Variants in ADD3 observed in about 807,000 individuals in gnomAD.
ADD3 encodes the protein adducin 3.
A neutral mutation model predicts 80.2 loss-of-function variants in ADD3; 25 were observed. The ratio of observed to expected loss-of-function variants is 0.31; its 90% CI spans 0.23 to 0.44. The LOEUF is 0.44. Among genes scored for constraint, ADD3 ranks in the 20% least tolerant of loss-of-function variants. The probability of loss-of-function intolerance (pLI) is 1.00; values close to 1 mark genes in which losing one functional copy is unlikely to be tolerated. For synonymous variants in ADD3, 284 were observed against 289.6 expected (o/e 0.98, Z 0.20); for missense variants, 829 against 847.5 (o/e 0.98, Z 0.27).
In ADD3 at chr10:110,116,312, T is replaced by C; in HGVS notation, c.388T>C (p.Tyr130His). Residue 130 changes from tyrosine to histidine, a missense_variant, in exon 4 of 15, where the codon TAT (tyrosine) becomes CAT (histidine). Transcript: ENST00000356080. ...CCTTCCTGGTGCAGATACATCCTCA[T>C]ATGTGAAGGGAGAAAAACTTACTCG... is the stretch of plus-strand genomic sequence containing the variant. Reference protein sequence around the residue: ...NDLPGADTSSYVKGEKLTRCK... With the variant: ...NDLPGADTSSHVKGEKLTRCK... The C allele has an allele frequency of 1.2e-6, 2 of 1,614,134 alleles. No individual in the cohort carries two copies. Among genetic ancestry groups the C allele is most frequent in the Non-Finnish European group, 1.7e-6 (2 of 1,179,988 alleles).
intron 1 of ADD3, among the ~76,000 whole-genome samples, chr10:110,088,010 G>A (rs1847017256): frequency 6.6e-6 from 1 of 152,068 alleles, no homozygotes; most frequent in African/African-American, 2.4e-5. Flanking sequence ...TGCTGCATCG[G>A]TTCAATCTCT....
upstream of ADD3, among the ~76,000 whole-genome samples, chr10:110,005,334 A>G (rs1265128349): frequency 2.0e-5 from 3 of 152,218 alleles, no homozygotes; most frequent in Non-Finnish European, 4.4e-5. Flanking sequence ...TGCTGGGATT[A>G]CAGGCGTGAG....
Position 110,125,942 on chromosome 10 carries a change from T to C in ADD3, c.1518T>C (p.Asn506=). Reference sequence around the variant, plus strand: ...CGAATGAGGTACTAGAAAAGAGAAATAAGGTAAGACATGGTCTTCTATAGC... The same window carrying C: ...CGAATGAGGTACTAGAAAAGAGAAACAAGGTAAGACATGGTCTTCTATAGC... ...TNPNEVLEKR[N]KIREQNRYDL... The change falls in exon 11 of 15, where the codon AAT becomes AAC. Residue 506 remains asparagine, a synonymous_variant. Transcript: ENST00000356080. 1 of 1,604,166 alleles carries C rather than the reference T, an allele frequency of 6.2e-7. No homozygotes were observed. Among genetic ancestry groups the C allele is most frequent in the Non-Finnish European group, 8.5e-7 (1 of 1,173,684 alleles).
At chr10:110,091,877 G>A (rs1450916175) in intron 1 of ADD3, among the ~76,000 whole-genome samples, 1 of 152,134 alleles carries the variant, frequency 6.6e-6, no homozygotes, top group Admixed American at 6.6e-5. Flanking sequence ...CAGAGTTTAT[G>A]AGGAACTTAA....
chr10:110,026,385 A>G (rs907536461), intron 1 of ADD3, among the ~76,000 whole-genome samples: 1 of 151,502 alleles, frequency 6.6e-6, no homozygotes, highest in Non-Finnish European at 1.5e-5. Context: ...GGTTCAAGCA[A>G]TTCTCCTGCC....
chr10:110,066,394 G>A (rs1335750967), intron 1 of ADD3, among the ~76,000 whole-genome samples: 1 of 152,092 alleles, frequency 6.6e-6, no homozygotes, highest in Non-Finnish European at 1.5e-5. Flanking sequence ...GTGCCACCAT[G>A]CCTGGCTAGT....
At chr10:110,100,242 C>T (rs966445767) in intron 1 of ADD3, among the ~76,000 whole-genome samples, 5 of 149,162 alleles carry the variant, frequency 3.4e-5, no homozygotes, top group Admixed American at 6.8e-5. Context: ...CCCAACTACT[C>T]GGGAGGCTGA....
At position 110,087,501 on chromosome 10, in the gene ADD3, A is replaced by C. The variant is rs1482635779; in HGVS notation, c.-29-13124A>C. Among the ~76,000 whole-genome samples, 5 of 152,350 alleles carry C rather than the reference A, an allele frequency of 3.3e-5. No homozygotes were observed. In the East Asian group the frequency reaches 9.6e-4, roughly 29 times the overall value. On this transcript the variant is annotated intron_variant, in intron 1 of 14. Coordinates refer to ENST00000356080, the MANE Select transcript of ADD3 (RefSeq NM_016824.5). ...ATTATGAATCTTCAGTTTTACAAAG[A>C]AATTTTTGTTCATCTGATGTGACAA... is the stretch of plus-strand genomic sequence containing the variant.
At chr10:110,125,983 A>G (rs1172299871) in intron 11 of ADD3, 38 bp downstream of exon 11, 1 of 1,564,768 alleles carries the variant, frequency 6.4e-7, no homozygotes, top group Non-Finnish European at 8.7e-7. Flanking sequence ...GAGACATTTT[A>G]ATTGCTTTAT....
Position 110,065,760 on chromosome 10 carries a change from G to C in ADD3, c.-29-34865G>C, listed in dbSNP as rs11592785. On this transcript the variant is annotated intron_variant, in intron 1 of 14. Coordinates refer to ENST00000356080, the MANE Select transcript of ADD3 (RefSeq NM_016824.5). The stretch of plus-strand genomic sequence containing the variant: ...TCACCATTTTGGCCAGGCTGGTCTC[G>C]AACTCCTGACCTTAAATGATCCACC... Among the ~76,000 whole-genome samples the C allele has an allele frequency of 2.0e-5, 3 of 150,152 alleles. No individual in the cohort carries two copies. The South Asian group carries it at 6.3e-4, about 32-fold the overall frequency.
intron 1 of ADD3, among the ~76,000 whole-genome samples, chr10:110,083,174 C>T (rs900630723): frequency 7.9e-5 from 12 of 152,012 alleles, no homozygotes; most frequent in African/African-American, 2.4e-4. Context: ...ACTAAGGTTG[C>T]GGGGAGAGCT....
chr10:110,039,099 A>T (rs1211698734), intron 1 of ADD3, among the ~76,000 whole-genome samples: 1 of 152,102 alleles, frequency 6.6e-6, no homozygotes, highest in African/African-American at 2.4e-5. Flanking sequence ...GTAGTTTTTA[A>T]TTGTAACGAC....
chr10:110,037,984 G>T (rs570913501), intron 1 of ADD3, among the ~76,000 whole-genome samples: 87 of 148,966 alleles, frequency 5.8e-4, no homozygotes, highest in Non-Finnish European at 8.9e-4. Context: ...CAGGAGAATC[G>T]CTTGAACCCG....
chr10:110,040,988 G>A (rs1020637280), intron 1 of ADD3, among the ~76,000 whole-genome samples: 15 of 147,838 alleles, frequency 1.0e-4, no homozygotes, highest in Non-Finnish European at 1.3e-4. Context: ...CTCTCTCTCC[G>A]TGTGTCTGTC....
intron 1 of ADD3, among the ~76,000 whole-genome samples, chr10:110,041,423 A>G (rs530737397): frequency 3.3e-5 from 5 of 152,210 alleles, no homozygotes; most frequent in South Asian, 2.1e-4. Flanking sequence ...ATCCATTTCA[A>G]TCCCGGCCCT....
upstream of ADD3, among the ~76,000 whole-genome samples, chr10:110,003,844 T>A (rs1016588221): frequency 6.6e-6 from 1 of 152,204 alleles, no homozygotes; most frequent in African/African-American, 2.4e-5. Flanking sequence ...AGATCATGAC[T>A]GTGTTAGGAA....
chr10:110,019,464 C>G (rs866567908), intron 1 of ADD3, among the ~76,000 whole-genome samples: 1 of 151,882 alleles, frequency 6.6e-6, no homozygotes, highest in Non-Finnish European at 1.5e-5. Context: ...ACTCCATTCT[C>G]CTGCCTCAGC....
chr10:110,044,887 T>C (rs1008625292), intron 1 of ADD3, among the ~76,000 whole-genome samples: 7 of 152,360 alleles, frequency 4.6e-5, no homozygotes, highest in Middle Eastern at 3.4e-3. Flanking sequence ...GTCCTCAAAA[T>C]AGATTGCTAT....
chr10:110,041,444 A>G lies in ADD3; in HGVS notation c.-30+33145A>G, dbSNP rs569982551. 6.6e-5 allele frequency among the ~76,000 whole-genome samples: 10 copies of G among 152,232 alleles called. No homozygotes were observed. In the South Asian group the frequency reaches 2.1e-3, roughly 32 times the overall value. Reference sequence around the variant, plus strand: ...TTCAATCCCGGCCCTGCTTGAGGTTACATTGAATAAGGTATCAGACCCCTT... The same window carrying G: ...TTCAATCCCGGCCCTGCTTGAGGTTGCATTGAATAAGGTATCAGACCCCTT... On this transcript the variant is annotated intron_variant, in intron 1 of 14. Transcript: ENST00000356080.
Sources: gnomAD v4.1 joint callset for allele counts (sites outside exome capture counted in the v4.1 genomes callset) on GRCh38, gnomAD v4.1.1 for gene constraint, MANE v1.5 for transcripts, NCBI Gene and HGNC (gene_info 2026-07-23, HGNC 2026-07-21) for gene names.